Variants in NLGN1 observed in about 807,000 individuals in gnomAD.
The protein encoded by NLGN1 is neuroligin-1.
Under a neutral mutation model 65.5 loss-of-function variants are expected in NLGN1, and 12 were observed. The ratio of observed to expected loss-of-function variants is 0.18; its 90% CI spans 0.12 to 0.30. The LOEUF (loss-of-function observed/expected upper bound fraction) is 0.30, where lower values mean the gene tolerates loss of function less well. NLGN1 is among the 10% of genes least tolerant of loss of function. NLGN1 has a pLI of 1.00. For synonymous variants in NLGN1, 350 were observed against 359.5 expected (o/e 0.97, Z 0.30); for missense variants, 750 against 1,007.1 (o/e 0.74, Z 3.46).
At chr3:173,464,222 C>T (rs1169373549) in intron 2 of NLGN1, among the ~76,000 whole-genome samples, 1 of 152,076 alleles carries the variant, frequency 6.6e-6, no homozygotes, top group Non-Finnish European at 1.5e-5. Context: ...TCTATCCACA[C>T]AGTAAACCTG....
At chr3:173,710,719 G>A (rs150721739) in intron 3 of NLGN1, among the ~76,000 whole-genome samples, 1 of 152,090 alleles carries the variant, frequency 6.6e-6, no homozygotes, top group African/African-American at 2.4e-5. Flanking sequence ...TAACAATAAA[G>A]TTCCTTTTTA....
intron 2 of NLGN1, among the ~76,000 whole-genome samples, chr3:173,471,137 T>C (rs549100003): frequency 6.6e-6 from 1 of 152,312 alleles, no homozygotes; most frequent in African/African-American, 2.4e-5. Flanking sequence ...AAGGAAGACA[T>C]TGTACTTTGA....
At chr3:173,475,050 G>A (rs1479327176) in intron 2 of NLGN1, among the ~76,000 whole-genome samples, 1 of 152,028 alleles carries the variant, frequency 6.6e-6, no homozygotes, top group Non-Finnish European at 1.5e-5. Context: ...TCTAAAAATA[G>A]TTTTTATATT....
intron 4 of NLGN1, among the ~76,000 whole-genome samples, chr3:174,002,752 A>C (rs1238351176): frequency 6.6e-6 from 1 of 152,168 alleles, no homozygotes; most frequent in Non-Finnish European, 1.5e-5. Flanking sequence ...CCTGGGGGAA[A>C]AAAAAATGGA....
intron 4 of NLGN1, among the ~76,000 whole-genome samples, chr3:173,868,746 G>T (rs1245615133): frequency 2.6e-5 from 4 of 152,090 alleles, no homozygotes; most frequent in African/African-American, 7.2e-5. Context: ...TATCTCCAAA[G>T]AATCTGATTC....
Position 173,662,028 on chromosome 3 carries a change from T to C in NLGN1, c.493+56937T>C, listed in dbSNP as rs1010943480. 5.3e-5 allele frequency among the ~76,000 whole-genome samples: 8 copies of C among 152,158 alleles called. No homozygotes were observed. In the East Asian group the frequency reaches 5.8e-4, roughly 11 times the overall value. ...ACTCAAATGACAAGAGTCACGCAAC[T>C]GTTTGTACCTAGTAAATTCCTTAAT... On this transcript the variant is annotated intron_variant, in intron 3 of 6. Coordinates refer to ENST00000457714, the Ensembl canonical transcript of NLGN1.
intron 4 of NLGN1, among the ~76,000 whole-genome samples, chr3:174,179,016 T>G (rs912961139): frequency 2.0e-5 from 3 of 152,118 alleles, no homozygotes; most frequent in Non-Finnish European, 2.9e-5. Flanking sequence ...GATTACTTTT[T>G]AAGTCAGTAG....
At chr3:173,753,021 A>G (rs555821189) in intron 3 of NLGN1, among the ~76,000 whole-genome samples, 1 of 152,228 alleles carries the variant, frequency 6.6e-6, no homozygotes, top group East Asian at 1.9e-4. Flanking sequence ...CAACTCATGG[A>G]CATTGTTCAA....
chr3:174,177,728 A>C, intron 4 of NLGN1, among the ~76,000 whole-genome samples: 1 of 152,132 alleles, frequency 6.6e-6, no homozygotes, highest in East Asian at 1.9e-4. Context: ...GTCAAAATAC[A>C]ATTATTTACT....
At chr3:173,422,192 A>C (rs931660545) in intron 1 of NLGN1, among the ~76,000 whole-genome samples, 1 of 152,038 alleles carries the variant, frequency 6.6e-6, no homozygotes, top group Non-Finnish European at 1.5e-5. Flanking sequence ...ATTCAGCTAT[A>C]AAAAGAAGGA....
intron 4 of NLGN1, among the ~76,000 whole-genome samples, chr3:174,124,510 A>T (rs1293736819): frequency 6.7e-6 from 1 of 148,532 alleles, no homozygotes; most frequent in Non-Finnish European, 1.5e-5. Flanking sequence ...TATATATATA[A>T]GTATATATAC....
intron 2 of NLGN1, among the ~76,000 whole-genome samples, chr3:173,559,406 A>G (rs1056237176): frequency 2.0e-5 from 3 of 152,184 alleles, no homozygotes; most frequent in Non-Finnish European, 4.4e-5. Flanking sequence ...CTGCCTATAC[A>G]TAGACTAAGG....
intron 3 of NLGN1, among the ~76,000 whole-genome samples, chr3:173,778,108 G>A (rs894146354): frequency 1.3e-5 from 2 of 151,688 alleles, no homozygotes; most frequent in Non-Finnish European, 3.0e-5. Flanking sequence ...AATTGACTGA[G>A]GTTGTTAAGG....
intron 4 of NLGN1, among the ~76,000 whole-genome samples, chr3:174,265,892 A>G (rs1748066135): frequency 7.1e-6 from 1 of 140,586 alleles, no homozygotes; most frequent in African/African-American, 2.6e-5. Context: ...ATATACGTAT[A>G]TATGTATATA....
At chr3:173,889,857 A>AATC (rs774066328) in intron 4 of NLGN1, among the ~76,000 whole-genome samples, 70 of 152,146 alleles carry the variant, frequency 4.6e-4, no homozygotes, top group Non-Finnish European at 7.5e-4. Context: ...TGTGAACTTC[A>AATC]ATCTTGAATG....
chr3:174,080,332 A>C (rs1349058066), intron 4 of NLGN1, among the ~76,000 whole-genome samples: 1 of 152,220 alleles, frequency 6.6e-6, no homozygotes, highest in Non-Finnish European at 1.5e-5. Context: ...ATAGGGCAGA[A>C]GGAGAGACTG....
chr3:173,500,605 T>G (rs1010421458), intron 2 of NLGN1, among the ~76,000 whole-genome samples: 16 of 152,192 alleles, frequency 1.1e-4, no homozygotes, highest in Admixed American at 1.0e-3. Context: ...TTCTATTGAT[T>G]GGAATAGTTT....
intron 3 of NLGN1, among the ~76,000 whole-genome samples, chr3:173,721,773 G>T (rs141562496): frequency 1.3e-5 from 2 of 152,062 alleles, no homozygotes; most frequent in East Asian, 1.9e-4. Flanking sequence ...CATCTTTGCC[G>T]CATAGTACAG....
chr3:173,471,364 T>A (rs1725287913), intron 2 of NLGN1, among the ~76,000 whole-genome samples: 1 of 152,132 alleles, frequency 6.6e-6, no homozygotes, highest in Admixed American at 6.6e-5. Context: ...ATCTATTCCT[T>A]GCCTTTCTTT....
Sources: allele counts gnomAD v4.1 joint callset (sites outside exome capture counted in the v4.1 genomes callset), GRCh38; gene constraint gnomAD v4.1.1; transcripts MANE v1.5; gene names NCBI Gene and HGNC (gene_info 2026-07-23, HGNC 2026-07-21).